Variants in VPS35L observed in about 807,000 individuals in gnomAD.
VPS35L encodes the protein VPS35 endosomal protein-sorting factor-like.
In VPS35L, 83 loss-of-function variants were observed where a neutral mutation model predicts 133.0. The ratio of observed to expected loss-of-function variants is 0.62; its 90% CI spans 0.52 to 0.75. VPS35L has a LOEUF of 0.75. Ranked by LOEUF, VPS35L falls within the 30% of genes least tolerant of loss-of-function variation. The pLI is 0.00. For synonymous variants in VPS35L, 423 were observed against 449.9 expected (o/e 0.94, Z 0.76); for missense variants, 1,083 against 1,206.8 (o/e 0.90, Z 1.52).
intron 26 of VPS35L, among the ~76,000 whole-genome samples, chr16:19,660,391 C>G (rs1974445765): frequency 6.6e-6 from 1 of 151,758 alleles, no homozygotes; most frequent in Non-Finnish European, 1.5e-5. Context: ...TGGGCTAGGA[C>G]AGCTGTCAGT....
chr16:19,619,180 G>A (rs1482398978), intron 14 of VPS35L, among the ~76,000 whole-genome samples: 1 of 151,806 alleles, frequency 6.6e-6, no homozygotes, highest in Non-Finnish European at 1.5e-5. Flanking sequence ...TGATCCTCCC[G>A]CCTCGGCTTC....
At chr16:19,689,490 T>G (rs1173089749) in intron 28 of VPS35L, among the ~76,000 whole-genome samples, 1 of 152,098 alleles carries the variant, frequency 6.6e-6, no homozygotes, top group Non-Finnish European at 1.5e-5. Flanking sequence ...CAGGCTGGTC[T>G]CAAACTCCTG....
intron 26 of VPS35L, among the ~76,000 whole-genome samples, chr16:19,656,238 T>C (rs1365609162): frequency 1.5e-5 from 2 of 132,248 alleles, no homozygotes; most frequent in Admixed American, 8.7e-5. Flanking sequence ...CACTCCAGCC[T>C]GGGCAACAAA....
At position 19,610,433 on chromosome 16, in the gene VPS35L, C is replaced by CT; in HGVS notation, c.1023+19dup. 6.2e-7 allele frequency: 1 copy of CT among 1,602,988 alleles called. No homozygotes were observed. Among genetic ancestry groups the CT allele is most frequent in the Non-Finnish European group, 8.5e-7 (1 of 1,171,248 alleles). On this transcript the variant is annotated intron_variant, in intron 12 of 30. Transcript: ENST00000417362. ...TGTGCCGGGTAGGCCATGCGAGTCA[C>CT]TGCCCTTGACGGCACGGCTGCCACC...
chr16:19,628,619 G>A lies in VPS35L; in HGVS notation c.1384-18G>A. 7.3e-7 allele frequency: 1 copy of A among 1,360,708 alleles called. No homozygotes were observed. The highest frequency in any genetic ancestry group is 2.3e-5 in the East Asian group (1 of 42,930). The allele number at this position is 1,360,708 out of a possible 1,614,324, so 84.3% of individuals were successfully genotyped here. On this transcript the variant is annotated intron_variant, in intron 16 of 30. Coordinates refer to ENST00000417362, the MANE Select transcript of VPS35L (RefSeq NM_020314.7). ...GATTTAAAATTTCCATAACATGATG[G>A]TTTGACATGTTTCTTAGCATCTTCT...
intron 13 of VPS35L, 86 bp downstream of exon 13, chr16:19,616,277 G>A: frequency 8.6e-7 from 1 of 1,165,060 alleles, no homozygotes; most frequent in South Asian, 1.3e-5. Flanking sequence ...TCCAAGTGGA[G>A]AATGCCTTAA....
In VPS35L at chr16:19,667,567, C is replaced by G. The variant is rs150456291; in HGVS notation, c.2222-1593C>G. ...TGGGCAACACGGTGAAACCCCATCT[C>G]TACAAAAAATACAAAAATTAGCCAG... On this transcript the variant is annotated intron_variant, in intron 26 of 30. Coordinates refer to ENST00000417362, the MANE Select transcript of VPS35L (RefSeq NM_020314.7). Among the ~76,000 whole-genome samples, 404 of 152,016 alleles carry G rather than the reference C, an allele frequency of 2.7e-3. 2 individuals are homozygous for G. The highest frequency in any genetic ancestry group is 9.2e-3 in the African/African-American group (382 of 41,488).
At chr16:19,611,907 G>A (rs917634742) in intron 12 of VPS35L, 1 of 152,020 alleles carries the variant, frequency 6.6e-6, no homozygotes, top group African/African-American at 2.4e-5. Flanking sequence ...CATCCTCTGG[G>A]AGAGATGCAA....
In VPS35L at chr16:19,584,919, A is replaced by G. The variant is rs1597329691; in HGVS notation, c.639+3266A>G. On this transcript the variant is annotated intron_variant, in intron 7 of 30. Transcript: ENST00000417362. ...TTTTCATTTGATGATTCCCCTGATG[A>G]TGAGTGATGCTGAGCATATTTTCAC... Among the ~76,000 whole-genome samples, 3 of 152,094 alleles carry G rather than the reference A, an allele frequency of 2.0e-5. No individual in the cohort carries two copies. The East Asian group carries it at 5.8e-4, about 29-fold the overall frequency.
rs1164601457 is a variant in VPS35L, at chr16:19,592,689, A to G, written c.724+815A>G. Among the ~76,000 whole-genome samples, 3 of 138,280 alleles carry G rather than the reference A, an allele frequency of 2.2e-5. No homozygotes were observed. The Admixed American group carries it at 2.2e-4, about 10-fold the overall frequency. The allele number at this position is 138,280 out of a possible 152,430, so 90.7% of individuals were successfully genotyped here. A position where few individuals can be genotyped will look rare whatever the true frequency, so the allele number is the denominator to read the frequency against. ...ATTTTTTTCTTTCTTCACTGTTAAA[A>G]TTTTTTTTTTTTTTTTTGGAGATAA... On this transcript the variant is annotated intron_variant, in intron 8 of 30. Coordinates refer to ENST00000417362, the MANE Select transcript of VPS35L (RefSeq NM_020314.7).
intron 12 of VPS35L, 56 bp from the exon 13 acceptor site, chr16:19,616,058 T>G: frequency 7.3e-7 from 1 of 1,373,418 alleles, no homozygotes; most frequent in Non-Finnish European, 1.0e-6. Flanking sequence ...TTTCCAAAAA[T>G]AAAATCATAC....
chr16:19,570,887 A>ATTTTTTT (rs1971359935), intron 3 of VPS35L, among the ~76,000 whole-genome samples: 1 of 82,254 alleles, frequency 1.2e-5, no homozygotes, highest in African/African-American at 5.5e-5. Flanking sequence ...ATATATATAT[A>ATTTTTTT]TATTTTTGAG....
At chr16:19,570,148 C>T (rs1196651603) in intron 3 of VPS35L, among the ~76,000 whole-genome samples, 2 of 152,078 alleles carry the variant, frequency 1.3e-5, no homozygotes, top group Admixed American at 1.3e-4. Context: ...TCACTGCAGC[C>T]TCCGACTCCG....
rs576905461 is a variant in VPS35L, at chr16:19,584,061, A to G, written c.639+2408A>G. On this transcript the variant is annotated intron_variant, in intron 7 of 30. Coordinates refer to ENST00000417362, the MANE Select transcript of VPS35L (RefSeq NM_020314.7). ...AGTTTCATTTTTTTATGGCCAAATA[A>G]TATTCCTGTGTGTGTACCATGTTTT... 3.9e-4 allele frequency among the ~76,000 whole-genome samples: 59 copies of G among 152,240 alleles called. No individual in the cohort carries two copies. In the Middle Eastern group the frequency reaches 0.01, roughly 26 times the overall value.
In VPS35L at chr16:19,693,287, C is replaced by CG. The variant is rs201539898; in HGVS notation, c.2646+1823dup. On this transcript the variant is annotated intron_variant, in intron 29 of 30. Coordinates refer to ENST00000417362, the MANE Select transcript of VPS35L (RefSeq NM_020314.7). ...GAAGGGTATGTGGATGTGTGTGTTG[C>CG]GGGGGGGCAGGGGAGGGCAATGAAG... is the stretch of plus-strand genomic sequence containing the variant. Among the ~76,000 whole-genome samples the CG allele has an allele frequency of 5.0e-3, 758 of 151,146 alleles. 11 individuals carry two copies. The highest frequency in any genetic ancestry group is 0.038 in the Admixed American group (572 of 15,150).
intron 9 of VPS35L, 197 bp from the exon 10 acceptor site, chr16:19,607,981 C>T (rs932736457): frequency 5.1e-5 from 29 of 569,658 alleles, no homozygotes; most frequent in East Asian, 3.4e-4. Context: ...GCACTGCGAA[C>T]GACACTTGGC....
chr16:19,581,892 TC>T, intron 7 of VPS35L: 1 of 542,256 alleles, frequency 1.8e-6, no homozygotes. Flanking sequence ...CAGGAAGCAC[TC>T]TTCACCCTAG....
At chr16:19,689,856 C>T (rs992611744) in intron 28 of VPS35L, among the ~76,000 whole-genome samples, 1 of 152,088 alleles carries the variant, frequency 6.6e-6, no homozygotes, top group Non-Finnish European at 1.5e-5. Context: ...TGGAACGTAT[C>T]CCCCAAGGAT....
At chr16:19,603,063 C>T (rs1312997078) in intron 9 of VPS35L, among the ~76,000 whole-genome samples, 2 of 152,144 alleles carry the variant, frequency 1.3e-5, no homozygotes, top group Non-Finnish European at 2.9e-5. Flanking sequence ...CTGTGCTTGG[C>T]CTGTCTTTTT....
Sources: gnomAD v4.1 joint callset for allele counts (sites outside exome capture counted in the v4.1 genomes callset) on GRCh38, gnomAD v4.1.1 for gene constraint, MANE v1.5 for transcripts, NCBI Gene and HGNC (gene_info 2026-07-23, HGNC 2026-07-21) for gene names.